RASA3: variants seen among roughly 807,000 people sequenced by gnomAD.
RASA3 encodes ras GTPase-activating protein 3.
RASA3 carries 73 observed loss-of-function variants against 110.0 expected under a neutral mutation model. The ratio of observed to expected loss-of-function variants is 0.66; its 90% CI spans 0.55 to 0.81. The LOEUF is 0.81. Ranked by LOEUF, RASA3 falls within the 30% of genes least tolerant of loss-of-function variation. The pLI is 0.00. For missense variants in RASA3, 976 were observed against 1,113.2 expected (o/e 0.88, Z 1.75); for synonymous variants, 500 against 451.4 (o/e 1.11, Z -1.37).
In RASA3 at chr13:113,981,612, C is replaced by T. The variant is rs375179903; in HGVS notation, c.2429+63G>A. The T allele has an allele frequency of 9.6e-6, 15 of 1,556,330 alleles. No individual in the cohort carries two copies. The South Asian group carries it at 1.8e-4, about 18-fold the overall frequency. ...ACCCGGGAGCTCCCTGCAGCCCCAC[C>T]CCCACTGCAATCTCCCGCCCACTAC... On this transcript the variant is annotated intron_variant, in intron 23 of 23. Transcript: ENST00000334062.
At chr13:114,019,681 T>C (rs922285440) in intron 9 of RASA3, among the ~76,000 whole-genome samples, 2 of 141,462 alleles carry the variant, frequency 1.4e-5, no homozygotes, top group Non-Finnish European at 3.0e-5. Flanking sequence ...CTCAGATGGA[T>C]AGAGCCTGTG....
rs2052851700 is a variant in RASA3, at chr13:113,979,341, C to A, written c.*6G>T. ...TGCTGGCGCCACTGGGCGCGTCCCG[C>A]AGACTTTAAATGGAATGAGTGGAGG... On this transcript the variant is annotated 3_prime_UTR_variant, in exon 24 of 24. Transcript: ENST00000334062. 15 of 1,586,910 alleles carry A rather than the reference C, an allele frequency of 9.5e-6. No homozygotes were observed. The highest frequency in any genetic ancestry group is 1.2e-5 in the Non-Finnish European group (14 of 1,155,632).
chr13:114,119,438 C>T (rs2080335174), intron 1 of RASA3, among the ~76,000 whole-genome samples: 1 of 152,006 alleles, frequency 6.6e-6, no homozygotes, highest in Admixed American at 6.6e-5. Context: ...CTCTGAGGGG[C>T]CGATCGCTCA....
intron 18 of RASA3, among the ~76,000 whole-genome samples, chr13:114,002,141 G>T (rs1437735463): frequency 1.3e-5 from 2 of 152,252 alleles, no homozygotes; most frequent in African/African-American, 4.8e-5. Flanking sequence ...GAGGACAGAG[G>T]TGGAAGCTGA....
intron 10 of RASA3, 140 bp from the exon 11 acceptor site, chr13:114,018,392 A>C: frequency 8.3e-7 from 1 of 1,204,114 alleles, no homozygotes; most frequent in Non-Finnish European, 1.1e-6. Context: ...ATTCACAAAA[A>C]CACCAAACTT....
chr13:114,091,383 G>A lies in RASA3; in HGVS notation c.56-17546C>T, dbSNP rs191793551. 3.9e-5 allele frequency among the ~76,000 whole-genome samples: 6 copies of A among 152,008 alleles called. 1 individual carries two copies. Among genetic ancestry groups the A allele is most frequent in the African/African-American group, 1.4e-4 (6 of 41,446 alleles). On this transcript the variant is annotated intron_variant, in intron 1 of 23. Transcript: ENST00000334062. ...CATCAACAGGCTCTACCATTTTGAG[G>A]TATGTTCCTCTATACCCAATCTGTT...
chr13:114,094,272 C>T (rs1346211388), intron 1 of RASA3, among the ~76,000 whole-genome samples: 2 of 152,192 alleles, frequency 1.3e-5, no homozygotes, highest in African/African-American at 2.4e-5. Context: ...CCACCAATTT[C>T]ACTCCTAGGT....
intron 7 of RASA3, among the ~76,000 whole-genome samples, chr13:114,026,626 C>A (rs906165916): frequency 1.2e-4 from 18 of 152,228 alleles, no homozygotes; most frequent in African/African-American, 4.3e-4. Context: ...CATCGAGCCC[C>A]ACTCAGCCAT....
At chr13:114,055,075 CGT>C (rs1222150599) in intron 2 of RASA3, among the ~76,000 whole-genome samples, 6 of 151,888 alleles carry the variant, frequency 4.0e-5, no homozygotes, top group South Asian at 4.2e-4. Flanking sequence ...CCCACAGGCA[CGT>C]GTTTGTGTGT....
chr13:114,075,069 C>A (rs1417361543), intron 1 of RASA3, among the ~76,000 whole-genome samples: 1 of 152,332 alleles, frequency 6.6e-6, no homozygotes, highest in African/African-American at 2.4e-5. Flanking sequence ...GTCTCCACGA[C>A]GCAGGATGAG....
chr13:113,990,833 A>G (rs890811947), intron 22 of RASA3, among the ~76,000 whole-genome samples: 1 of 152,200 alleles, frequency 6.6e-6, no homozygotes, highest in Non-Finnish European at 1.5e-5. Flanking sequence ...CTGTATGTTC[A>G]TTTCACACAT....
intron 18 of RASA3, among the ~76,000 whole-genome samples, chr13:114,005,113 AG>A (rs1408298941): frequency 6.6e-6 from 1 of 152,224 alleles, no homozygotes. Context: ...TCACAGACTG[AG>A]GCCTCGGAAG....
chr13:114,105,245 T>G (rs1228681325), intron 1 of RASA3, among the ~76,000 whole-genome samples: 3 of 152,004 alleles, frequency 2.0e-5, no homozygotes, highest in Non-Finnish European at 4.4e-5. Context: ...CACCCTGCCC[T>G]TGGGCTCCAG....
chr13:114,032,341 C>G (rs1357594194), intron 4 of RASA3, among the ~76,000 whole-genome samples: 1 of 152,150 alleles, frequency 6.6e-6, no homozygotes, highest in Non-Finnish European at 1.5e-5. Flanking sequence ...TCCTCCTTAA[C>G]CAATCACAAA....
At chr13:113,996,932 C>T (rs2139132730) in intron 20 of RASA3, among the ~76,000 whole-genome samples, 193 bp from the exon 21 acceptor site, 1 of 152,370 alleles carries the variant, frequency 6.6e-6, no homozygotes, top group South Asian at 2.1e-4. Flanking sequence ...CTCTCTGCCA[C>T]CCTAAAACCT....
chr13:114,054,458 A>C (rs536144864), intron 2 of RASA3, among the ~76,000 whole-genome samples: 1 of 152,034 alleles, frequency 6.6e-6, no homozygotes, highest in African/African-American at 2.4e-5. Context: ...AGGGGCCCAG[A>C]GTCCAGGTGG....
At chr13:114,072,909 G>A (rs1042419838) in intron 2 of RASA3, among the ~76,000 whole-genome samples, 1 of 138,740 alleles carries the variant, frequency 7.2e-6, no homozygotes, top group East Asian at 2.4e-4. Context: ...AAATGGGACA[G>A]TGATGTACAC....
chr13:114,000,999 C>T (rs1017120346), intron 18 of RASA3, 67 bp from the exon 19 acceptor site: 3 of 1,024,080 alleles, frequency 2.9e-6, no homozygotes, highest in Admixed American at 1.8e-5. Context: ...TGAAAAACCA[C>T]ACCCCCCACT....
At chr13:114,129,685 C>T (rs1001628256) in intron 1 of RASA3, among the ~76,000 whole-genome samples, 13 of 152,196 alleles carry the variant, frequency 8.5e-5, no homozygotes, top group Non-Finnish European at 7.3e-5. Flanking sequence ...AGTGAGGGGG[C>T]AGGGTGTTAA....
Sources: gnomAD v4.1 joint callset for allele counts (sites outside exome capture counted in the v4.1 genomes callset) on GRCh38, gnomAD v4.1.1 for gene constraint, MANE v1.5 for transcripts, NCBI Gene and HGNC (gene_info 2026-07-23, HGNC 2026-07-21) for gene names.